Variants in BUD13 observed in about 807,000 individuals in gnomAD.
The protein encoded by BUD13 is BUD13 homolog.
Under a neutral mutation model 62.5 loss-of-function variants are expected in BUD13, and 47 were observed. The observed-to-expected ratio is 0.75, with a 90% CI of 0.60 to 0.96. BUD13 has a LOEUF of 0.96. Among genes scored for constraint, BUD13 ranks in the 40% least tolerant of loss-of-function variants. The probability of loss-of-function intolerance (pLI) is 0.00; values close to 1 mark genes in which losing one functional copy is unlikely to be tolerated. For missense variants in BUD13, 821 were observed against 790.9 expected, an observed-to-expected ratio of 1.04 and a Z score of -0.46; for synonymous variants, 293 against 280.1, an observed-to-expected ratio of 1.05 and a Z score of -0.46.
intron 3 of BUD13, 111 bp from the exon 4 acceptor site, chr11:116,763,377 GA>G: frequency 1.0e-6 from 1 of 1,004,164 alleles, no homozygotes; most frequent in Non-Finnish European, 1.4e-6. Context: ...GAACTGCTCA[GA>G]AAGCCCAAAA....
rs114388569 is a variant in BUD13 at position 116,766,664 on chromosome 11, C to T, written c.238-1218G>A. ...GATAATTCACGTAAGCTTAGCCATGCTTGGTACATGATAAATGCCCAATAA... is the reference window on the plus strand; with the variant it reads ...GATAATTCACGTAAGCTTAGCCATGTTTGGTACATGATAAATGCCCAATAA... On this transcript the variant is annotated intron_variant, in intron 2 of 9. Coordinates refer to ENST00000260210, the MANE Select transcript of BUD13 (RefSeq NM_032725.4). Among the ~76,000 whole-genome samples, 1,194 of 152,324 alleles carry T rather than the reference C, an allele frequency of 7.8e-3. 19 individuals are homozygous for T. The highest frequency in any genetic ancestry group is 0.026 in the African/African-American group (1,101 of 41,572).
chr11:116,760,586 A>G, intron 5 of BUD13, 149 bp downstream of exon 5: 1 of 831,596 alleles, frequency 1.2e-6, no homozygotes, highest in Non-Finnish European at 1.9e-6. Context: ...TGCCTTCAGA[A>G]GGAAAGACCT....
chr11:116,762,341 T>C (rs965514964), intron 4 of BUD13, among the ~76,000 whole-genome samples: 1 of 152,230 alleles, frequency 6.6e-6, no homozygotes, highest in Non-Finnish European at 1.5e-5. Context: ...AAATAAATTG[T>C]ACTTTTATAT....
chr11:116,758,841 C>T (rs1000726014), intron 6 of BUD13, among the ~76,000 whole-genome samples: 13 of 151,972 alleles, frequency 8.6e-5, no homozygotes, highest in Non-Finnish European at 1.6e-4. Context: ...ATCCACCCGC[C>T]TCGGCCTACC....
chr11:116,770,020 G>T, intron 2 of BUD13, 109 bp downstream of exon 2: 1 of 769,678 alleles, frequency 1.3e-6, no homozygotes, highest in Non-Finnish European at 2.0e-6. Context: ...TCATGCCATT[G>T]CACTCCAGCT....
chr11:116,758,338 C>A lies in BUD13; in HGVS notation c.1430G>T (p.Arg477Leu). The A allele has an allele frequency of 6.2e-7, 1 of 1,614,154 alleles. No individual in the cohort carries two copies. Among genetic ancestry groups the A allele is most frequent in the Admixed American group, 1.7e-5 (1 of 60,012 alleles). The change falls in exon 7 of 10, where the codon CGT (arginine) becomes CTT (leucine). Residue 477 changes from arginine to leucine, a missense_variant. Arg to Leu is a moderately radical substitution (Grantham distance 102). This residue lies in a region of BUD13 where 800 missense variants were observed against 739.2 expected (regional missense o/e 1.08). Coordinates refer to ENST00000260210, the MANE Select transcript of BUD13 (RefSeq NM_032725.4). ...TTCTGCTTTCCTCCTTTGCTCTAAA[C>A]GTTCGAGTTTCAAATTCCTCTTACG... is the stretch of plus-strand genomic sequence containing the variant. ...SGRKRNLKLE[R>L]LEQRRKAEKD...
At chr11:116,757,054 A>T in intron 9 of BUD13, 92 bp downstream of exon 9, 1 of 1,233,532 alleles carries the variant, frequency 8.1e-7, no homozygotes, top group Non-Finnish European at 1.2e-6. Context: ...CCTTGTGATT[A>T]AAGCAGAGAA....
chr11:116,751,069 C>G (rs1233583901), intron 9 of BUD13, among the ~76,000 whole-genome samples: 1 of 152,220 alleles, frequency 6.6e-6, no homozygotes, highest in African/African-American at 2.4e-5. Flanking sequence ...GAAGCACTTC[C>G]TGATCACTCA....
rs775447697 is a variant in BUD13 at position 116,763,178 on chromosome 11, A to T, written c.411T>A (p.Asp137Glu). ...SPRRVRHGTP[D>E]PSPRKDRHDT... is the part of the protein sequence containing the mutation. ...CATGACGGTCCTTCCTAGGAGATGG[A>T]TCTGGGGTACCATGACGGACCCTCC... is the stretch of plus-strand genomic sequence containing the variant. Residue 137 changes from aspartate to glutamate, a missense_variant, in exon 4 of 10, where the codon GAT becomes GAA. By Grantham distance (45) the Asp-to-Glu change is conservative. This residue lies in a region of BUD13 where 800 missense variants were observed against 739.2 expected (regional missense o/e 1.08). Transcript: ENST00000260210. 1.3e-6 allele frequency: 2 copies of T among 1,599,572 alleles called. No individual in the cohort carries two copies. Among genetic ancestry groups the T allele is most frequent in the South Asian group, 2.2e-5 (2 of 89,104 alleles).
chr11:116,754,991 G>A (rs1393530595), intron 9 of BUD13, among the ~76,000 whole-genome samples: 2 of 152,152 alleles, frequency 1.3e-5, no homozygotes, highest in Non-Finnish European at 2.9e-5. Flanking sequence ...TAAATAAACA[G>A]GAAAATGTAA....
intron 9 of BUD13, among the ~76,000 whole-genome samples, chr11:116,755,134 C>T (rs1425274855): frequency 6.6e-6 from 1 of 152,166 alleles, no homozygotes; most frequent in Admixed American, 6.5e-5. Flanking sequence ...GAAAATATCT[C>T]ATAATGAACA....
chr11:116,753,715 T>C (rs1214933188), intron 9 of BUD13, among the ~76,000 whole-genome samples: 5 of 152,292 alleles, frequency 3.3e-5, no homozygotes, highest in Admixed American at 1.3e-4. Context: ...TTACATATCA[T>C]AAATATTTTC....
In BUD13 at chr11:116,762,544, T is replaced by C. The variant is rs1294263084; in HGVS notation, c.1036+9A>G. 3 of 1,593,442 alleles carry C rather than the reference T, an allele frequency of 1.9e-6. No homozygotes were observed. Among genetic ancestry groups the C allele is most frequent in the East Asian group, 2.2e-5 (1 of 44,788 alleles). On this transcript the variant is annotated intron_variant, in intron 4 of 9. Transcript: ENST00000260210. ...CATACATCCCTCTCATGGACAGTCATATGCTCACCTTTGGAATCAAGCTGC... is the reference window on the plus strand; with the variant it reads ...CATACATCCCTCTCATGGACAGTCACATGCTCACCTTTGGAATCAAGCTGC...
At chr11:116,767,509 C>T (rs1306481234) in intron 2 of BUD13, among the ~76,000 whole-genome samples, 5 of 141,086 alleles carry the variant, frequency 3.5e-5, no homozygotes, top group African/African-American at 8.0e-5. Flanking sequence ...AGGAGAATGG[C>T]GTGAACCCGG....
Position 116,772,918 on chromosome 11 carries a change from T to G in BUD13, c.47A>C (p.Tyr16Ser), listed in dbSNP as rs762986953. The G allele has an allele frequency of 6.3e-7, 1 of 1,588,814 alleles. No homozygotes were observed. The highest frequency in any genetic ancestry group is 1.7e-5 in the Admixed American group (1 of 58,376). ...GACGCCGGCATCTGCCCCGGACAAG[T>G]AACGCTTCAGATACTCGGCCTTGGA... is the stretch of plus-strand genomic sequence containing the variant. ...PLSKAEYLKR[Y>S]LSGADAGVDR... The change falls in exon 1 of 10, where the codon TAC becomes TCC. Residue 16 changes from tyrosine (Y) to serine (S), a missense_variant. By Grantham distance (144) the Tyr-to-Ser change is moderately radical. Transcript: ENST00000260210.
intron 2 of BUD13, among the ~76,000 whole-genome samples, chr11:116,768,871 C>T (rs931733575): frequency 6.6e-5 from 10 of 151,932 alleles, no homozygotes; most frequent in African/African-American, 1.9e-4. Context: ...AAAAATTAGC[C>T]GGGCGTGTTG....
chr11:116,755,991 T>C (rs1002731855), intron 9 of BUD13, among the ~76,000 whole-genome samples: 2 of 152,088 alleles, frequency 1.3e-5, no homozygotes, highest in African/African-American at 4.8e-5. Context: ...GACAATCATA[T>C]GAGCCCAAGA....
intron 9 of BUD13, among the ~76,000 whole-genome samples, chr11:116,753,312 A>G (rs1940271564): frequency 1.3e-5 from 2 of 152,244 alleles, no homozygotes; most frequent in Non-Finnish European, 2.9e-5. Context: ...CTCAAAATCT[A>G]CATACAAACC....
chr11:116,755,436 G>A (rs1940305733), intron 9 of BUD13, among the ~76,000 whole-genome samples: 1 of 152,036 alleles, frequency 6.6e-6, no homozygotes, highest in African/African-American at 2.4e-5. Context: ...ATCATGCATG[G>A]GTAAAAGATC....
Sources: gnomAD v4.1 joint callset for allele counts (sites outside exome capture counted in the v4.1 genomes callset) on GRCh38, gnomAD v4.1.1 for gene constraint, gnomAD v4.1.1 regional missense constraint, MANE v1.5 for transcripts, NCBI Gene and HGNC (gene_info 2026-07-23, HGNC 2026-07-21) for gene names.